Variants in SLC9A8 observed in about 807,000 individuals in gnomAD.
The protein encoded by SLC9A8 is sodium/hydrogen exchanger 8.
SLC9A8 carries 48 observed loss-of-function variants against 66.6 expected under a neutral mutation model. The ratio of observed to expected loss-of-function variants is 0.72; its 90% confidence interval spans 0.57 to 0.92. The LOEUF is 0.92. SLC9A8 is among the 40% of genes least tolerant of loss of function. The pLI is 0.00. For synonymous variants in SLC9A8, 274 were observed against 282.6 expected, an observed-to-expected ratio of 0.97 and a Z score of 0.31; for missense variants, 599 against 747.3, an observed-to-expected ratio of 0.80 and a Z score of 2.31.
chr20:49,884,336 A>ACACACACACACCC (rs1568884621), intron 14 of SLC9A8, among the ~76,000 whole-genome samples: 1 of 108,478 alleles, frequency 9.2e-6, no homozygotes, highest in Non-Finnish European at 1.9e-5. Context: ...ACACACACAC[A>ACACACACACACCC]CCCCCCGGTC....
chr20:49,855,631 G>A lies in SLC9A8; in HGVS notation c.713+50G>A, dbSNP rs1056546653. On this transcript the variant is annotated intron_variant, in intron 8 of 15. Coordinates refer to ENST00000361573, the MANE Select transcript of SLC9A8 (RefSeq NM_015266.3). ...CTTTTTTCATGTGACAGAACTAAAG[G>A]TCCTTGTAACAAAGGGGCAGATATT... The A allele has an allele frequency of 1.9e-6, 3 of 1,573,196 alleles. No homozygotes were observed. In the East Asian group the frequency reaches 6.8e-5, roughly 36 times the overall value.
rs1427026954 is a variant in SLC9A8, at chr20:49,832,518, A to G, written c.290-7023A>G. Among the ~76,000 whole-genome samples, 7 of 152,174 alleles carry G rather than the reference A, an allele frequency of 4.6e-5. No individual in the cohort carries two copies. In the East Asian group the frequency reaches 1.3e-3, roughly 29 times the overall value. ...CCTCTACATGGGTTGGATTTTCCAA[A>G]ATCATAATTTGCAGAAGACCAGCAC... On this transcript the variant is annotated intron_variant, in intron 3 of 15. Transcript: ENST00000361573.
intron 10 of SLC9A8, among the ~76,000 whole-genome samples, chr20:49,871,816 G>A (rs1269026198): frequency 6.6e-6 from 1 of 152,180 alleles, no homozygotes; most frequent in Non-Finnish European, 1.5e-5. Flanking sequence ...TCCAGTCTCA[G>A]CCCCCAGACA....
intron 10 of SLC9A8, among the ~76,000 whole-genome samples, chr20:49,871,920 A>T (rs1466722154): frequency 6.6e-6 from 1 of 152,224 alleles, no homozygotes; most frequent in African/African-American, 2.4e-5. Context: ...CAGAAGGAAG[A>T]CTGGTCCATG....
Position 49,878,021 on chromosome 20 carries a change from T to A in SLC9A8, c.1116T>A (p.Ser372Arg). 1.9e-6 allele frequency: 3 copies of A among 1,605,906 alleles called. No homozygotes were observed. Among genetic ancestry groups the A allele is most frequent in the Non-Finnish European group, 2.5e-6 (3 of 1,178,308 alleles). The change falls in exon 12 of 16, where the codon AGT becomes AGA. Residue 372 changes from serine (S) to arginine (R), a missense_variant. By Grantham distance (110) the Ser-to-Arg change is moderately radical. Transcript: ENST00000361573. ...CATTTCTTGGCCTGTCCATTTTTAG[T>A]TTTCCTCACAAGTTTGAAATTTCCT... ...VFAFLGLSIF[S>R]FPHKFEISFV...
intron 3 of SLC9A8, among the ~76,000 whole-genome samples, chr20:49,838,306 A>G (rs2087624471): frequency 2.6e-5 from 4 of 152,218 alleles, no homozygotes; most frequent in Admixed American, 6.5e-5. Context: ...GCTCCTTAAA[A>G]TGTAATTACA....
chr20:49,839,732 A>G, intron 4 of SLC9A8, 133 bp downstream of exon 4: 1 of 474,390 alleles, frequency 2.1e-6, no homozygotes, highest in Non-Finnish European at 3.7e-6. Flanking sequence ...TAATTTTTTT[A>G]TTAGATACAG....
At chr20:49,825,483 A>T (rs1568795649) in intron 3 of SLC9A8, among the ~76,000 whole-genome samples, 1 of 152,152 alleles carries the variant, frequency 6.6e-6, no homozygotes. Flanking sequence ...CTCTACTAAA[A>T]ATAGAAAAAT....
At chr20:49,858,855 G>A (rs1309330597) in intron 8 of SLC9A8, among the ~76,000 whole-genome samples, 1 of 152,032 alleles carries the variant, frequency 6.6e-6, no homozygotes, top group Admixed American at 6.5e-5. Context: ...CTACTTGGGA[G>A]GCTGAGGCAG....
chr20:49,838,365 A>T (rs1351065670), intron 3 of SLC9A8, among the ~76,000 whole-genome samples: 3 of 152,210 alleles, frequency 2.0e-5, no homozygotes, highest in Non-Finnish European at 4.4e-5. Context: ...GTAGCAGGAG[A>T]TGGGTTCAAA....
intron 3 of SLC9A8, among the ~76,000 whole-genome samples, chr20:49,833,830 ATTGAG>A (rs1406556415): frequency 6.6e-6 from 1 of 152,204 alleles, no homozygotes; most frequent in Non-Finnish European, 1.5e-5. Context: ...CTCTGAATGA[ATTGAG>A]GGGTGTCCTT....
chr20:49,843,596 T>C (rs1037659275), intron 4 of SLC9A8, among the ~76,000 whole-genome samples: 42 of 152,178 alleles, frequency 2.8e-4, no homozygotes, highest in African/African-American at 8.9e-4. Flanking sequence ...CATAACCATT[T>C]TGGGCTTGAG....
At chr20:49,883,695 A>C in intron 13 of SLC9A8, 151 bp from the exon 14 acceptor site, 1 of 635,218 alleles carries the variant, frequency 1.6e-6, no homozygotes, top group East Asian at 2.7e-5. Context: ...TTTACACCCC[A>C]AAGCCTCACA....
chr20:49,848,053 G>C (rs2146603618), intron 5 of SLC9A8, among the ~76,000 whole-genome samples: 1 of 151,944 alleles, frequency 6.6e-6, no homozygotes, highest in South Asian at 2.1e-4. Context: ...AGCCTCCCGA[G>C]TAGCTGGGAT....
At chr20:49,861,799 T>C (rs2088749719) in intron 8 of SLC9A8, among the ~76,000 whole-genome samples, 1 of 152,198 alleles carries the variant, frequency 6.6e-6, no homozygotes, top group Non-Finnish European at 1.5e-5. Flanking sequence ...CATTTTACTT[T>C]GTTCTGTTAC....
intron 3 of SLC9A8, among the ~76,000 whole-genome samples, chr20:49,835,908 G>A (rs2087516314): frequency 6.6e-6 from 1 of 151,914 alleles, no homozygotes; most frequent in Non-Finnish European, 1.5e-5. Flanking sequence ...GGCTGGTCTT[G>A]AACTCCTGAC....
intron 14 of SLC9A8, 106 bp downstream of exon 14, chr20:49,884,172 G>C (rs1210171989): frequency 1.2e-6 from 1 of 866,530 alleles, no homozygotes. Flanking sequence ...TTCTTGCTTT[G>C]AGGATGCCCA....
intron 1 of SLC9A8, among the ~76,000 whole-genome samples, chr20:49,814,125 C>T (rs988602579): frequency 6.6e-6 from 1 of 152,128 alleles, no homozygotes; most frequent in African/African-American, 2.4e-5. Context: ...AGCAGCTGCT[C>T]CATCCCAGAC....
intron 13 of SLC9A8, among the ~76,000 whole-genome samples, chr20:49,881,888 T>C (rs1051148240): frequency 2.0e-5 from 3 of 152,174 alleles, no homozygotes; most frequent in African/African-American, 4.8e-5. Flanking sequence ...TCAGAGGTTT[T>C]TGAAGTGATG....
Sources: allele counts gnomAD v4.1 joint callset (sites outside exome capture counted in the v4.1 genomes callset), GRCh38; gene constraint gnomAD v4.1.1; transcripts MANE v1.5; gene names NCBI Gene and HGNC (gene_info 2026-07-23, HGNC 2026-07-21).